Variants in DENND2C observed in about 807,000 individuals in gnomAD.
DENND2C encodes DENN domain containing 2C.
Under a neutral mutation model 112.4 loss-of-function variants are expected in DENND2C, and 72 were observed. The observed-to-expected ratio is 0.64, with a 90% CI of 0.53 to 0.78. The LOEUF (loss-of-function observed/expected upper bound fraction) is 0.78, where lower values mean the gene tolerates loss of function less well. Among genes scored for constraint, DENND2C ranks in the 30% least tolerant of loss-of-function variants. The pLI is 0.00. For missense variants in DENND2C, 992 were observed against 1,113.8 expected, an observed-to-expected ratio of 0.89 and a Z score of 1.56; for synonymous variants, 329 against 381.6, an observed-to-expected ratio of 0.86 and a Z score of 1.61.
At chr1:114,619,071 A>G (rs1384908664) in intron 7 of DENND2C, among the ~76,000 whole-genome samples, 1 of 152,216 alleles carries the variant, frequency 6.6e-6, no homozygotes, top group Non-Finnish European at 1.5e-5. Flanking sequence ...CTATTTCTCA[A>G]GCAAGTAAAA....
chr1:114,654,913 A>G (rs994723541), intron 1 of DENND2C, among the ~76,000 whole-genome samples, 152 bp from the exon 2 acceptor site: 5 of 152,208 alleles, frequency 3.3e-5, no homozygotes, highest in African/African-American at 4.8e-5. Flanking sequence ...TATTACATCC[A>G]CATTCCAGGA....
chr1:114,640,658 G>A (rs936846350), intron 3 of DENND2C, among the ~76,000 whole-genome samples: 3 of 152,158 alleles, frequency 2.0e-5, no homozygotes, highest in African/African-American at 7.2e-5. Flanking sequence ...GCAAGGACAC[G>A]AATCTTTAAA....
intron 20 of DENND2C, 121 bp downstream of exon 20, chr1:114,587,266 C>G: frequency 9.1e-7 from 1 of 1,097,512 alleles, no homozygotes; most frequent in Non-Finnish European, 1.4e-6. Context: ...ACGCTGGTCT[C>G]AAACTCCTGG....
intron 1 of DENND2C, among the ~76,000 whole-genome samples, chr1:114,661,546 G>C (rs1297731881): frequency 6.6e-6 from 1 of 152,092 alleles, no homozygotes; most frequent in Non-Finnish European, 1.5e-5. Context: ...AGTATGCTAT[G>C]TTTCCAAGAA....
intron 3 of DENND2C, among the ~76,000 whole-genome samples, chr1:114,637,662 C>T (rs919278658): frequency 1.3e-5 from 2 of 151,778 alleles, no homozygotes; most frequent in African/African-American, 4.8e-5. Flanking sequence ...GTGTATGCCA[C>T]CACACCTGGC....
At chr1:114,609,472 A>T (rs890158101) in intron 9 of DENND2C, among the ~76,000 whole-genome samples, 1 of 152,274 alleles carries the variant, frequency 6.6e-6, no homozygotes, top group Non-Finnish European at 1.5e-5. Context: ...GAAAAAAATT[A>T]AGTGGAAGAA....
intron 11 of DENND2C, among the ~76,000 whole-genome samples, chr1:114,603,906 C>G (rs1330154957): frequency 2.0e-5 from 3 of 152,106 alleles, no homozygotes; most frequent in African/African-American, 7.2e-5. Context: ...GGGAATATGA[C>G]AAAATATTTA....
At chr1:114,641,549 C>T (rs1656836700) in intron 3 of DENND2C, among the ~76,000 whole-genome samples, 1 of 152,004 alleles carries the variant, frequency 6.6e-6, no homozygotes, top group South Asian at 2.1e-4. Context: ...TTGAAAGATC[C>T]TGGCACCTCC....
intron 9 of DENND2C, among the ~76,000 whole-genome samples, chr1:114,609,444 A>C (rs764082246): frequency 2.6e-5 from 4 of 152,264 alleles, no homozygotes; most frequent in Non-Finnish European, 5.9e-5. Context: ...GTATCAGTAA[A>C]TGGTGCTACA....
intron 8 of DENND2C, among the ~76,000 whole-genome samples, chr1:114,617,067 G>A (rs965757762): frequency 1.3e-5 from 2 of 152,036 alleles, no homozygotes; most frequent in African/African-American, 4.8e-5. Context: ...AGAATAGCAC[G>A]GGAAAGACCA....
At chr1:114,624,624 CTTTT>C (rs67241623) in intron 4 of DENND2C, among the ~76,000 whole-genome samples, 3 of 126,960 alleles carry the variant, frequency 2.4e-5, no homozygotes, top group Admixed American at 7.8e-5. Flanking sequence ...TTCTTTTTTT[CTTTT>C]TTTTTTTTTT....
intron 16 of DENND2C, among the ~76,000 whole-genome samples, chr1:114,597,944 C>T (rs1378058275): frequency 1.3e-5 from 2 of 152,144 alleles, no homozygotes. Context: ...ACTACGCACC[C>T]ACCAGATAGG....
chr1:114,593,074 C>T (rs1655239896), intron 18 of DENND2C, among the ~76,000 whole-genome samples: 1 of 152,132 alleles, frequency 6.6e-6, no homozygotes, highest in Non-Finnish European at 1.5e-5. Context: ...TTCAAGCAAT[C>T]CTCCTGCCTT....
chr1:114,617,870 CATTT>C (rs1656019680), intron 8 of DENND2C, among the ~76,000 whole-genome samples: 1 of 151,912 alleles, frequency 6.6e-6, no homozygotes, highest in African/African-American at 2.4e-5. Flanking sequence ...TTTTTTCATT[CATTT>C]ATTTGTTCAT....
At chr1:114,616,525 G>T (rs1316397627) in intron 8 of DENND2C, among the ~76,000 whole-genome samples, 2 of 151,962 alleles carry the variant, frequency 1.3e-5, no homozygotes, top group East Asian at 1.9e-4. Context: ...CTACATATTT[G>T]CCAGATGCAT....
Position 114,645,261 on chromosome 1 carries a change from G to A in DENND2C, c.-205+187C>T, listed in dbSNP as rs528504725. On this transcript the variant is annotated intron_variant, in intron 3 of 20. Transcript: ENST00000393274. ...ACCTCAGAATATGACTGGATTTGGA[G>A]ATCAGGTCTCTTGAGAGGTAATTAA... Among the ~76,000 whole-genome samples the A allele has an allele frequency of 3.9e-5, 6 of 152,270 alleles. 1 individual carries two copies. In the South Asian group the frequency reaches 1.2e-3, roughly 32 times the overall value.
At chr1:114,657,680 A>T (rs1167084573) in intron 1 of DENND2C, among the ~76,000 whole-genome samples, 1 of 152,256 alleles carries the variant, frequency 6.6e-6, no homozygotes, top group African/African-American at 2.4e-5. Flanking sequence ...AAGTGAATTG[A>T]GAATTGGATG....
intron 2 of DENND2C, among the ~76,000 whole-genome samples, chr1:114,650,254 C>G (rs550016406): frequency 1.3e-5 from 2 of 150,638 alleles, no homozygotes; most frequent in Non-Finnish European, 3.0e-5. Context: ...ACCCAGGAGG[C>G]GGAGGTTGCA....
chr1:114,596,972 T>C (rs1170771918), intron 16 of DENND2C, among the ~76,000 whole-genome samples: 1 of 151,992 alleles, frequency 6.6e-6, no homozygotes, highest in Non-Finnish European at 1.5e-5. Context: ...TATAGGAGGA[T>C]ATTTTCATGA....
Sources: gnomAD v4.1 joint callset for allele counts (sites outside exome capture counted in the v4.1 genomes callset) on GRCh38, gnomAD v4.1.1 for gene constraint, MANE v1.5 for transcripts, NCBI Gene and HGNC (gene_info 2026-07-23, HGNC 2026-07-21) for gene names.